Variants in TMCC1 observed in about 807,000 individuals in gnomAD.
The protein encoded by TMCC1 is transmembrane and coiled-coil domain family 1.
In TMCC1, 15 loss-of-function variants were observed where a neutral mutation model predicts 52.4. The ratio of observed to expected loss-of-function variants is 0.29; its 90% CI spans 0.19 to 0.44. TMCC1 has a LOEUF of 0.44. Among genes scored for constraint, TMCC1 ranks in the 20% least tolerant of loss-of-function variants. The probability of loss-of-function intolerance (pLI) is 1.00; values close to 1 mark genes in which losing one functional copy is unlikely to be tolerated. For synonymous variants in TMCC1, 279 were observed against 301.9 expected, an observed-to-expected ratio of 0.92 and a Z score of 0.79; for missense variants, 503 against 806.0, an observed-to-expected ratio of 0.62 and a Z score of 4.55.
intron 4 of TMCC1, among the ~76,000 whole-genome samples, chr3:129,761,327 C>CAAAAAAAAAAAAAAA (rs59160769): frequency 1.3e-4 from 8 of 61,230 alleles, no homozygotes; most frequent in African/African-American, 4.8e-4. Flanking sequence ...GACTCCGTCT[C>CAAAAAAAAAAAAAAA]AAAAAAAAAA....
At chr3:129,671,570 T>C (rs1248958285) in intron 4 of TMCC1, among the ~76,000 whole-genome samples, 1 of 152,260 alleles carries the variant, frequency 6.6e-6, no homozygotes, top group African/African-American at 2.4e-5. Context: ...GTTTAAAGTA[T>C]GAATTAATTC....
intron 4 of TMCC1, among the ~76,000 whole-genome samples, chr3:129,764,853 G>A (rs1462286929): frequency 3.7e-5 from 5 of 133,820 alleles, no homozygotes; most frequent in African/African-American, 1.2e-4. Context: ...CCAGGCTAGA[G>A]TGTAGTGGTG....
chr3:129,790,868 A>T (rs2056406175), intron 4 of TMCC1, among the ~76,000 whole-genome samples: 1 of 152,190 alleles, frequency 6.6e-6, no homozygotes, highest in South Asian at 2.1e-4. Context: ...ATTCAAATCA[A>T]TACCTCTCTG....
intron 2 of TMCC1, among the ~76,000 whole-genome samples, chr3:129,878,615 T>A (rs2061330627): frequency 6.6e-6 from 1 of 152,120 alleles, no homozygotes; most frequent in Non-Finnish European, 1.5e-5. Context: ...TCCACCACTA[T>A]CTACTCAGCA....
chr3:129,707,364 C>G (rs764798054), intron 4 of TMCC1, among the ~76,000 whole-genome samples: 1 of 152,006 alleles, frequency 6.6e-6, no homozygotes, highest in Non-Finnish European at 1.5e-5. Context: ...AGATGGTCTA[C>G]CCATGGTTAA....
chr3:129,685,751 A>G (rs1389304767), intron 4 of TMCC1, among the ~76,000 whole-genome samples: 2 of 152,230 alleles, frequency 1.3e-5, no homozygotes, highest in Non-Finnish European at 2.9e-5. Flanking sequence ...AGACTTATAG[A>G]GCCAAAAGGC....
At chr3:129,709,021 G>A (rs1251316464) in intron 4 of TMCC1, among the ~76,000 whole-genome samples, 6 of 151,812 alleles carry the variant, frequency 4.0e-5, no homozygotes, top group Admixed American at 2.6e-4. Context: ...GGTCTTTACT[G>A]GTAATAACTA....
At chr3:129,771,015 G>A (rs1301800558) in intron 4 of TMCC1, among the ~76,000 whole-genome samples, 2 of 152,182 alleles carry the variant, frequency 1.3e-5, no homozygotes, top group East Asian at 3.8e-4. Context: ...CTGTCAATGT[G>A]ATACCACCAG....
chr3:129,675,428 T>G (rs2088333961), intron 4 of TMCC1, among the ~76,000 whole-genome samples: 2 of 152,216 alleles, frequency 1.3e-5, no homozygotes, highest in Non-Finnish European at 2.9e-5. Context: ...AATGCTCACT[T>G]TAGAAGACAA....
chr3:129,875,700 T>G (rs1209494364), intron 2 of TMCC1, among the ~76,000 whole-genome samples: 2 of 152,138 alleles, frequency 1.3e-5, no homozygotes, highest in African/African-American at 4.8e-5. Flanking sequence ...TACATATTTT[T>G]TTTAATAAAC....
chr3:129,786,856 G>A (rs1431671928), intron 4 of TMCC1, among the ~76,000 whole-genome samples: 1 of 152,144 alleles, frequency 6.6e-6, no homozygotes, highest in Non-Finnish European at 1.5e-5. Flanking sequence ...AATAGTATGA[G>A]GTAGAAGAAA....
intron 4 of TMCC1, among the ~76,000 whole-genome samples, chr3:129,699,227 G>GA (rs1425181783): frequency 6.6e-5 from 10 of 152,196 alleles, no homozygotes; most frequent in African/African-American, 2.4e-4. Flanking sequence ...GTCACAGGAT[G>GA]AGATAGGAGG....
intron 4 of TMCC1, among the ~76,000 whole-genome samples, chr3:129,761,309 C>CA (rs2053572972): frequency 7.9e-6 from 1 of 126,846 alleles, no homozygotes; most frequent in Non-Finnish European, 1.6e-5. Context: ...GCCTGGGCGA[C>CA]AGAGCGAGAC....
chr3:129,784,103 AAAGAAGAC>A (rs1486264345), intron 4 of TMCC1, among the ~76,000 whole-genome samples: 1 of 152,216 alleles, frequency 6.6e-6, no homozygotes, highest in African/African-American at 2.4e-5. Flanking sequence ...GGGATGGGAA[AAAGAAGAC>A]AAGAAGACAA....
chr3:129,886,931 C>T (rs946387057), intron 1 of TMCC1, among the ~76,000 whole-genome samples: 6 of 151,640 alleles, frequency 4.0e-5, no homozygotes, highest in East Asian at 1.9e-4. Flanking sequence ...AGTGAGACTC[C>T]GTCTCAAATA....
At chr3:129,736,295 T>C (rs2050953534) in intron 4 of TMCC1, among the ~76,000 whole-genome samples, 1 of 152,222 alleles carries the variant, frequency 6.6e-6, no homozygotes, top group Non-Finnish European at 1.5e-5. Flanking sequence ...GACATACCTG[T>C]ATCCCGTGCA....
At chr3:129,745,984 T>C (rs2051918644) in intron 4 of TMCC1, among the ~76,000 whole-genome samples, 1 of 150,788 alleles carries the variant, frequency 6.6e-6, no homozygotes, top group Admixed American at 6.6e-5. Flanking sequence ...CTCAAACACC[T>C]GGCCTTAAGT....
intron 2 of TMCC1, among the ~76,000 whole-genome samples, chr3:129,859,537 T>C (rs1206340510): frequency 2.0e-5 from 3 of 151,896 alleles, no homozygotes; most frequent in Non-Finnish European, 2.9e-5. Flanking sequence ...CTTGGGAGGC[T>C]GAGGTGGGAG....
chr3:129,738,963 C>T (rs1462057582), intron 4 of TMCC1, among the ~76,000 whole-genome samples: 6 of 151,394 alleles, frequency 4.0e-5, no homozygotes, highest in South Asian at 2.1e-4. Flanking sequence ...ACTACAGGCA[C>T]GCGCCACCAC....
Sources: gnomAD v4.1 joint callset for allele counts (sites outside exome capture counted in the v4.1 genomes callset) on GRCh38, gnomAD v4.1.1 for gene constraint, MANE v1.5 for transcripts, NCBI Gene and HGNC (gene_info 2026-07-23, HGNC 2026-07-21) for gene names.